Variants in TENT5D observed in about 807,000 individuals in gnomAD.
TENT5D encodes terminal nucleotidyltransferase 5D.
For missense variants in TENT5D, 191 were observed against 287.0 expected (o/e 0.67, Z 2.42); for synonymous variants, 103 against 100.6 (o/e 1.02, Z -0.15).
chrX:80,336,067 A>G (rs962012118), intron 2 of TENT5D, among the ~76,000 whole-genome samples: 1 of 110,720 alleles, frequency 9.0e-6, no homozygotes, highest in Non-Finnish European at 1.9e-5. Context: ...CATCCTGGGA[A>G]TTGTCGATTC....
At chrX:80,429,360 T>TGGCA (rs776215246) in intron 1 of TENT5D, among the ~76,000 whole-genome samples, 36 of 111,389 alleles carry the variant, frequency 3.2e-4, no homozygotes, top group African/African-American at 1.2e-3. Context: ...TGAAATGCAG[T>TGGCA]GGCACAATCT....
chrX:80,425,110 A>C (rs1931965900), intron 1 of TENT5D, among the ~76,000 whole-genome samples: 1 of 112,705 alleles, frequency 8.9e-6, no homozygotes, highest in African/African-American at 3.2e-5. Flanking sequence ...AACCCTTGGC[A>C]AAACACCAGT....
At chrX:80,438,613 T>A (rs1367269926) in exon 2 of TENT5D, 2 of 109,998 alleles carry the variant, frequency 1.8e-5, no homozygotes, top group Non-Finnish European at 3.8e-5. Context: ...CTTGCAGTTT[T>A]TCTGGTTGGT....
chrX:80,433,472 C>G (rs1932126162), intron 1 of TENT5D, among the ~76,000 whole-genome samples: 2 of 112,141 alleles, frequency 1.8e-5, no homozygotes, highest in Non-Finnish European at 3.8e-5. Context: ...ACAGCCATAG[C>G]AACACAAACA....
chrX:80,409,871 A>G (rs1931603776), intron 3 of TENT5D, among the ~76,000 whole-genome samples: 1 of 105,781 alleles, frequency 9.5e-6, no homozygotes, highest in Admixed American at 1.0e-4. Context: ...AGTAACCAAA[A>G]CAGCATGGTA....
chrX:80,349,132 G>A (rs923479901), intron 3 of TENT5D, among the ~76,000 whole-genome samples: 1 of 111,614 alleles, frequency 9.0e-6, no homozygotes, highest in African/African-American at 3.3e-5. Context: ...TTGTTGTTTT[G>A]TCTCTACCAG....
chrX:80,416,184 G>T (rs891263120), upstream of TENT5D, among the ~76,000 whole-genome samples: 1 of 102,473 alleles, frequency 9.8e-6, no homozygotes, highest in Non-Finnish European at 2.0e-5. Context: ...TCTCTCTTTT[G>T]TCTTTACTAA....
chrX:80,408,641 G>A (rs1235278350), intron 3 of TENT5D, among the ~76,000 whole-genome samples: 1 of 110,662 alleles, frequency 9.0e-6, no homozygotes, highest in Non-Finnish European at 1.9e-5. Flanking sequence ...AGGACCAGAT[G>A]GATTCACAGC....
intron 1 of TENT5D, among the ~76,000 whole-genome samples, chrX:80,435,837 C>CA (rs1250274685): frequency 5.3e-5 from 6 of 112,261 alleles, no homozygotes; most frequent in African/African-American, 1.9e-4. Flanking sequence ...GTTAGTGGAA[C>CA]AAAAAACTAG....
intron 3 of TENT5D, among the ~76,000 whole-genome samples, chrX:80,367,396 G>T (rs1189820570): frequency 9.0e-5 from 10 of 111,460 alleles, no homozygotes; most frequent in Non-Finnish European, 1.7e-4. Flanking sequence ...CTGTGGTGGG[G>T]ATGTGAATTA....
intron 3 of TENT5D, among the ~76,000 whole-genome samples, chrX:80,407,919 A>G (rs1931540749): frequency 9.0e-6 from 1 of 111,425 alleles, no homozygotes. Flanking sequence ...CCACAGTACA[A>G]TCAAACTAGA....
chrX:80,405,227 G>C (rs1931460063), intron 3 of TENT5D, among the ~76,000 whole-genome samples: 1 of 111,643 alleles, frequency 9.0e-6, no homozygotes, highest in African/African-American at 3.2e-5. Flanking sequence ...AAATCAATCT[G>C]TTAAGAAAAT....
At chrX:80,352,605 G>C (rs1930201741) in intron 3 of TENT5D, among the ~76,000 whole-genome samples, 1 of 108,988 alleles carries the variant, frequency 9.2e-6, no homozygotes, top group African/African-American at 3.4e-5. Context: ...CTCTTTGGGA[G>C]TGGGACCTAT....
At chrX:80,339,929 G>A (rs1929926954) in intron 2 of TENT5D, among the ~76,000 whole-genome samples, 1 of 108,166 alleles carries the variant, frequency 9.2e-6, no homozygotes, top group Non-Finnish European at 1.9e-5. Flanking sequence ...AAAAATCTTT[G>A]ATTTTAACAG....
At chrX:80,404,369 A>G (rs1931442001) in intron 3 of TENT5D, among the ~76,000 whole-genome samples, 1 of 111,845 alleles carries the variant, frequency 8.9e-6, no homozygotes, top group African/African-American at 3.2e-5. Flanking sequence ...ATAAAATGTT[A>G]ATAATATTGA....
At chrX:80,396,924 C>T (rs1485338475) in intron 3 of TENT5D, among the ~76,000 whole-genome samples, 2 of 82,056 alleles carry the variant, frequency 2.4e-5, no homozygotes, top group African/African-American at 4.5e-5. Flanking sequence ...ACCTCCCTCC[C>T]AGACGGGGCG....
chrX:80,424,879 C>T (rs1204342165), intron 1 of TENT5D, among the ~76,000 whole-genome samples: 1 of 112,380 alleles, frequency 8.9e-6, no homozygotes, highest in Non-Finnish European at 1.9e-5. Flanking sequence ...CATGGGTTTG[C>T]ACCCTTAAAT....
intron 3 of TENT5D, among the ~76,000 whole-genome samples, chrX:80,367,689 A>T (rs1028796872): frequency 8.9e-5 from 10 of 111,979 alleles, no homozygotes; most frequent in Admixed American, 4.8e-4. Context: ...TGTCATTGAA[A>T]CAACATGAAT....
At position 80,382,725 on chromosome X, in the gene TENT5D, T is replaced by C. The variant is rs1602199958; in HGVS notation, c.-142+40161T>C. 2.8e-5 allele frequency among the ~76,000 whole-genome samples: 3 copies of C among 106,989 alleles called. No individual in the cohort carries two copies. The South Asian group carries it at 1.4e-3, about 49-fold the overall frequency. 92.9% of individuals were successfully genotyped at this position (106,989 alleles called of 115,157 possible). Reference sequence around the variant, plus strand: ...GGACGCCCCCCCCCCACTGCCAGGCTGCTGCCTCGCAGTTCAATCTGGGAC... The same window carrying C: ...GGACGCCCCCCCCCCACTGCCAGGCCGCTGCCTCGCAGTTCAATCTGGGAC... On this transcript the variant is annotated intron_variant, in intron 3 of 4. Coordinates refer to the TENT5D transcript ENST00000538312.
Sources: allele counts gnomAD v4.1 joint callset (sites outside exome capture counted in the v4.1 genomes callset), GRCh38; gene constraint gnomAD v4.1.1; transcripts MANE v1.5; gene names NCBI Gene and HGNC (gene_info 2026-07-23, HGNC 2026-07-21).